Variants in GRM8 observed in about 807,000 individuals in gnomAD.
GRM8 encodes glutamate metabotropic receptor 8.
Under a neutral mutation model 87.2 loss-of-function variants are expected in GRM8, and 47 were observed. The ratio of observed to expected loss-of-function variants is 0.54; its 90% CI spans 0.43 to 0.69. GRM8 has a LOEUF of 0.69. Ranked by LOEUF, GRM8 falls within the 30% of genes least tolerant of loss-of-function variation. The pLI, the probability that GRM8 is intolerant of heterozygous loss-of-function variation, is 0.00. For missense variants in GRM8, 1,019 were observed against 1,139.2 expected (o/e 0.89, Z 1.52); for synonymous variants, 396 against 404.5 (o/e 0.98, Z 0.25).
At chr7:126,953,773 C>CCT (rs1210325374) in intron 3 of GRM8, among the ~76,000 whole-genome samples, 2 of 152,194 alleles carry the variant, frequency 1.3e-5, no homozygotes, top group African/African-American at 4.8e-5. Context: ...CTAATTAATA[C>CCT]CTCTCTCTTC....
chr7:126,743,625 T>G (rs1013652167), intron 7 of GRM8, among the ~76,000 whole-genome samples: 1 of 152,148 alleles, frequency 6.6e-6, no homozygotes, highest in Admixed American at 6.6e-5. Context: ...TTATACCAAG[T>G]GGAGGTATTA....
intron 8 of GRM8, among the ~76,000 whole-genome samples, chr7:126,541,869 C>T (rs1816582461): frequency 6.6e-6 from 1 of 152,122 alleles, no homozygotes; most frequent in South Asian, 2.1e-4. Context: ...AATTGTGTAC[C>T]TCCCAAAATT....
chr7:126,603,059 TG>T, intron 8 of GRM8, among the ~76,000 whole-genome samples: 1 of 147,808 alleles, frequency 6.8e-6, no homozygotes, highest in Non-Finnish European at 1.5e-5. Flanking sequence ...GCTTCATCCC[TG>T]GGATGCAAGG....
intron 6 of GRM8, among the ~76,000 whole-genome samples, chr7:126,796,606 T>A (rs1821979056): frequency 6.6e-6 from 1 of 152,022 alleles, no homozygotes; most frequent in African/African-American, 2.4e-5. Context: ...TAAATCCCTT[T>A]AAATTAAAAA....
intron 3 of GRM8, among the ~76,000 whole-genome samples, chr7:126,977,688 T>G (rs1212700477): frequency 6.6e-6 from 1 of 152,206 alleles, no homozygotes; most frequent in East Asian, 1.9e-4. Flanking sequence ...ATTCAAACGG[T>G]GTTAACTAGT....
intron 3 of GRM8, among the ~76,000 whole-genome samples, chr7:127,101,350 C>G (rs1231294640): frequency 6.6e-6 from 1 of 152,094 alleles, no homozygotes; most frequent in Non-Finnish European, 1.5e-5. Context: ...CAGTTTCCTC[C>G]TGATATAATA....
At chr7:126,440,529 T>C (rs935007057) in intron 10 of GRM8, among the ~76,000 whole-genome samples, 3 of 151,860 alleles carry the variant, frequency 2.0e-5, no homozygotes, top group African/African-American at 7.3e-5. Flanking sequence ...GCTCCATTCA[T>C]AGTAAGTTCC....
chr7:127,126,353 T>C (rs976677396), intron 2 of GRM8, among the ~76,000 whole-genome samples: 2 of 151,910 alleles, frequency 1.3e-5, no homozygotes, highest in Non-Finnish European at 2.9e-5. Context: ...TGCAGGCCAT[T>C]GTCTTAAGTG....
At position 126,609,442 on chromosome 7, in the gene GRM8, C is replaced by A. The variant is rs1241503170; in HGVS notation, c.1414G>T (p.Asp472Tyr). Residue 472 changes from aspartate (D) to tyrosine (Y), a missense_variant, in exon 8 of 11, where the codon GAT becomes TAT. By Grantham distance (160) the Asp-to-Tyr change is radical (BLOSUM62 -3). Transcript: ENST00000339582. ...TTGGTTATTTGATACTGGAAGATAT[C>A]ATAACGTCCAGGAGCATCTCCGTTT... ...NENGDAPGRYDIFQYQITNKS... is the reference protein window; with the variant it reads ...NENGDAPGRYYIFQYQITNKS... The A allele has an allele frequency of 6.2e-7, 1 of 1,610,746 alleles. No homozygotes were observed. The highest frequency in any genetic ancestry group is 1.7e-5 in the Admixed American group (1 of 60,020).
At chr7:126,804,901 C>T (rs1174731196) in intron 6 of GRM8, among the ~76,000 whole-genome samples, 3 of 152,130 alleles carry the variant, frequency 2.0e-5, no homozygotes, top group African/African-American at 4.8e-5. Flanking sequence ...AGAAACTATT[C>T]TACCAGAAAC....
chr7:126,538,829 T>C (rs1431906459), intron 8 of GRM8, among the ~76,000 whole-genome samples: 1 of 152,056 alleles, frequency 6.6e-6, no homozygotes, highest in Non-Finnish European at 1.5e-5. Context: ...TTTAGTGCCA[T>C]ATTTTGCATA....
At chr7:126,443,553 G>A (rs1388762757) in intron 10 of GRM8, among the ~76,000 whole-genome samples, 3 of 151,776 alleles carry the variant, frequency 2.0e-5, no homozygotes, top group South Asian at 2.1e-4. Context: ...ACTTTACTTC[G>A]GCCCAACTTA....
intron 3 of GRM8, among the ~76,000 whole-genome samples, chr7:126,948,568 A>G (rs1447956617): frequency 6.6e-6 from 1 of 151,864 alleles, no homozygotes; most frequent in African/African-American, 2.4e-5. Context: ...AGGCATGGCT[A>G]TCCTTGCTTT....
intron 3 of GRM8, among the ~76,000 whole-genome samples, chr7:126,998,108 C>A (rs918850512): frequency 6.6e-6 from 1 of 151,568 alleles, no homozygotes; most frequent in Non-Finnish European, 1.5e-5. Context: ...CCAGTTTCAA[C>A]ATATGCTAAT....
intron 3 of GRM8, among the ~76,000 whole-genome samples, chr7:127,101,927 G>A (rs1257663597): frequency 6.6e-6 from 1 of 152,170 alleles, no homozygotes; most frequent in Non-Finnish European, 1.5e-5. Flanking sequence ...TCACCAAAAT[G>A]TTAATAGTGA....
intron 3 of GRM8, among the ~76,000 whole-genome samples, chr7:127,103,387 C>G (rs1390088638): frequency 1.3e-5 from 2 of 152,170 alleles, no homozygotes; most frequent in African/African-American, 2.4e-5. Context: ...CTCACAAAAT[C>G]TGTTCATTTA....
chr7:126,813,459 G>A (rs912280466), intron 6 of GRM8, among the ~76,000 whole-genome samples: 4 of 152,060 alleles, frequency 2.6e-5, no homozygotes, highest in African/African-American at 9.7e-5. Flanking sequence ...CCCCCAATGA[G>A]GACACTGGAG....
intron 9 of GRM8, among the ~76,000 whole-genome samples, chr7:126,507,058 G>A (rs528646104): frequency 2.5e-4 from 38 of 152,076 alleles, no homozygotes; most frequent in Admixed American, 4.6e-4. Context: ...AGCCAAATAA[G>A]TGGTCCTCCT....
chr7:126,494,492 T>C lies in GRM8; in HGVS notation c.2430+38460A>G, dbSNP rs75103099. Among the ~76,000 whole-genome samples, 18 of 152,154 alleles carry C rather than the reference T, an allele frequency of 1.2e-4. No homozygotes were observed. In the East Asian group the frequency reaches 1.9e-3, roughly 16 times the overall value. ...AGTCTTGATGTTAATCATTTATATT[T>C]TTATCTCTTTAAATAAACAAAAACA... is the stretch of plus-strand genomic sequence containing the variant. On this transcript the variant is annotated intron_variant, in intron 9 of 10. Coordinates refer to ENST00000339582, the MANE Select transcript of GRM8 (RefSeq NM_000845.3).
Sources: allele counts gnomAD v4.1 joint callset (sites outside exome capture counted in the v4.1 genomes callset), GRCh38; gene constraint gnomAD v4.1.1; transcripts MANE v1.5; gene names NCBI Gene and HGNC (gene_info 2026-07-23, HGNC 2026-07-21).